KCNQ5: variants seen among roughly 807,000 people sequenced by gnomAD.
KCNQ5 encodes the protein potassium voltage-gated channel subfamily KQT member 5.
In KCNQ5, 30 loss-of-function variants were observed where a neutral mutation model predicts 98.2. The observed-to-expected ratio is 0.31, with a 90% confidence interval of 0.23 to 0.41. KCNQ5 has a LOEUF of 0.41. Among genes scored for constraint, KCNQ5 ranks in the 10% least tolerant of loss-of-function variants. KCNQ5 has a pLI of 1.00. For missense variants in KCNQ5, 835 were observed against 1,182.5 expected, an observed-to-expected ratio of 0.71 and a Z score of 4.31; for synonymous variants, 458 against 449.4, an observed-to-expected ratio of 1.02 and a Z score of -0.24.
At position 72,828,644 on chromosome 6, in the gene KCNQ5, A is replaced by T. The variant is rs144875208; in HGVS notation, c.399-175264A>T. On this transcript the variant is annotated intron_variant, in intron 1 of 13. Coordinates refer to ENST00000370398, the MANE Select transcript of KCNQ5 (RefSeq NM_019842.4). ...GGTAGAGCCTTTAATTTTTCTTTAC[A>T]TAAGGTCACGTCACCTACAGAGACA... 6.2e-3 allele frequency among the ~76,000 whole-genome samples: 937 copies of T among 152,166 alleles called. 11 individuals are homozygous for T. Among genetic ancestry groups the T allele is most frequent in the African/African-American group, 0.02 (851 of 41,528 alleles).
At chr6:72,945,267 T>C (rs542447433) in intron 1 of KCNQ5, among the ~76,000 whole-genome samples, 6 of 152,284 alleles carry the variant, frequency 3.9e-5, no homozygotes, top group African/African-American at 1.4e-4. Flanking sequence ...CTTTTTTTTA[T>C]TATACTTTAA....
chr6:73,178,659 A>T (rs1582494360), intron 11 of KCNQ5, among the ~76,000 whole-genome samples: 1 of 152,132 alleles, frequency 6.6e-6, no homozygotes, highest in Admixed American at 6.6e-5. Flanking sequence ...TCAAGAGTTA[A>T]AACCAAGAAA....
chr6:72,854,818 T>A (rs538170151), intron 1 of KCNQ5, among the ~76,000 whole-genome samples: 164 of 149,940 alleles, frequency 1.1e-3, no homozygotes, highest in Non-Finnish European at 1.9e-3. Flanking sequence ...ATTAACTTTA[T>A]AACGCTGGTT....
intron 1 of KCNQ5, among the ~76,000 whole-genome samples, chr6:72,665,897 T>C (rs80212848): frequency 0.014 from 2,165 of 152,280 alleles, 67 homozygotes; most frequent in African/African-American, 0.049. Flanking sequence ...ATGAACTACA[T>C]AGGAATTTTA....
intron 10 of KCNQ5, among the ~76,000 whole-genome samples, chr6:73,153,201 G>T (rs1051088233): frequency 2.6e-5 from 4 of 152,060 alleles, no homozygotes; most frequent in Admixed American, 2.6e-4. Flanking sequence ...TTTTCTCAGT[G>T]TTGGCATAGG....
chr6:73,053,437 G>A (rs555597802), intron 3 of KCNQ5, among the ~76,000 whole-genome samples: 2 of 152,184 alleles, frequency 1.3e-5, no homozygotes, highest in South Asian at 2.1e-4. Flanking sequence ...AAAAACAGGA[G>A]TGTATATATT....
intron 3 of KCNQ5, among the ~76,000 whole-genome samples, chr6:73,070,289 T>C (rs1298922841): frequency 1.3e-5 from 2 of 152,172 alleles, no homozygotes; most frequent in Non-Finnish European, 2.9e-5. Flanking sequence ...GGCTTCTCAA[T>C]AAGTATATGC....
intron 1 of KCNQ5, among the ~76,000 whole-genome samples, chr6:72,857,820 C>A (rs1392636903): frequency 6.6e-6 from 1 of 152,108 alleles, no homozygotes; most frequent in East Asian, 1.9e-4. Context: ...ATGGCATGGA[C>A]CCTACTCTCA....
chr6:72,636,002 A>G lies in KCNQ5; in HGVS notation c.398+13415A>G, dbSNP rs2098923910. Among the ~76,000 whole-genome samples the G allele has an allele frequency of 2.0e-5, 3 of 152,010 alleles. No homozygotes were observed. In the South Asian group the frequency reaches 6.2e-4, roughly 31 times the overall value. Reference sequence around the variant, plus strand: ...AAGGAGTGAAGCCTTAAAATCGCTGAAGTTTTCTAATATCTATATATTATT... The same window carrying G: ...AAGGAGTGAAGCCTTAAAATCGCTGGAGTTTTCTAATATCTATATATTATT... On this transcript the variant is annotated intron_variant, in intron 1 of 13. Transcript: ENST00000370398.
chr6:72,637,569 A>C (rs1466212722), intron 1 of KCNQ5, among the ~76,000 whole-genome samples: 1 of 152,160 alleles, frequency 6.6e-6, no homozygotes, highest in African/African-American at 2.4e-5. Context: ...GTTCATTGCA[A>C]TCTCTAAAGT....
At chr6:72,646,081 A>G (rs1373721626) in intron 1 of KCNQ5, among the ~76,000 whole-genome samples, 1 of 152,182 alleles carries the variant, frequency 6.6e-6, no homozygotes, top group African/African-American at 2.4e-5. Flanking sequence ...ATACATTCAT[A>G]TTAATGGTAT....
chr6:73,024,381 T>TGATAGATAGACAGATTAGATAGATAGATA (rs1770763427), intron 2 of KCNQ5, among the ~76,000 whole-genome samples: 1 of 120,548 alleles, frequency 8.3e-6, no homozygotes, highest in Non-Finnish European at 1.7e-5. Context: ...GATAGATAGA[T>TGATAGATAGACAGATTAGATAGATAGATA]GATAGATAGA....
intron 1 of KCNQ5, among the ~76,000 whole-genome samples, chr6:72,941,301 C>CTTCCTTCCTTCCTTCT: frequency 1.5e-5 from 1 of 68,460 alleles, no homozygotes; most frequent in African/African-American, 3.0e-5. Flanking sequence ...CCCTGCTCAT[C>CTTCCTTCCTTCCTTCT]TTCCTTCCTT....
At chr6:72,812,830 C>G (rs1303388445) in intron 1 of KCNQ5, among the ~76,000 whole-genome samples, 1 of 152,116 alleles carries the variant, frequency 6.6e-6, no homozygotes, top group Non-Finnish European at 1.5e-5. Flanking sequence ...AAATAAGCAG[C>G]AAGTCAGGAT....
intron 1 of KCNQ5, among the ~76,000 whole-genome samples, chr6:72,923,610 G>T (rs1430613148): frequency 2.0e-5 from 3 of 152,106 alleles, no homozygotes; most frequent in African/African-American, 7.2e-5. Context: ...GATACAGAGG[G>T]TACATATGCA....
chr6:72,774,417 G>A lies in KCNQ5; in HGVS notation c.398+151830G>A, dbSNP rs916301857. Among the ~76,000 whole-genome samples the A allele has an allele frequency of 5.3e-5, 8 of 152,004 alleles. No homozygotes were observed. The South Asian group carries it at 6.2e-4, about 12-fold the overall frequency. ...TCTAGAACATCTTTTTGAAGCTCAAGTAAGCAAAGATTTCTTAAACTAAAA... is the reference window on the plus strand; with the variant it reads ...TCTAGAACATCTTTTTGAAGCTCAAATAAGCAAAGATTTCTTAAACTAAAA... On this transcript the variant is annotated intron_variant, in intron 1 of 13. Coordinates refer to ENST00000370398, the MANE Select transcript of KCNQ5 (RefSeq NM_019842.4).
At chr6:72,982,558 T>A (rs1768522354) in intron 1 of KCNQ5, among the ~76,000 whole-genome samples, 1 of 144,050 alleles carries the variant, frequency 6.9e-6, no homozygotes, top group Admixed American at 7.0e-5. Context: ...ATCTTGAGCC[T>A]ATGTGTGTCT....
chr6:72,871,017 C>G (rs922702353), intron 1 of KCNQ5, among the ~76,000 whole-genome samples: 4 of 151,998 alleles, frequency 2.6e-5, no homozygotes, highest in Admixed American at 1.3e-4. Context: ...AGGTAGATAC[C>G]CTGAGAATAC....
chr6:72,738,522 C>T (rs1008104827), intron 1 of KCNQ5, among the ~76,000 whole-genome samples: 1 of 152,044 alleles, frequency 6.6e-6, no homozygotes, highest in East Asian at 1.9e-4. Context: ...TTCACAGATT[C>T]GTTATAATAT....
Sources: allele counts gnomAD v4.1 joint callset (sites outside exome capture counted in the v4.1 genomes callset), GRCh38; gene constraint gnomAD v4.1.1; transcripts MANE v1.5; gene names NCBI Gene and HGNC (gene_info 2026-07-23, HGNC 2026-07-21).